The following SLC22A3 variants were observed in gnomAD, a reference collection of about 807,000 sequenced individuals.
SLC22A3 encodes EMT organic cation transporter 3.
A neutral mutation model predicts 59.1 loss-of-function variants in SLC22A3; 51 were observed. The observed-to-expected ratio is 0.86, with a 90% CI of 0.69 to 1.09. The LOEUF is 1.09. Ranked by LOEUF, SLC22A3 falls within the 50% of genes least tolerant of loss-of-function variation. The pLI is 0.00. For synonymous variants in SLC22A3, 325 were observed against 292.0 expected (o/e 1.11, Z -1.15); for missense variants, 711 against 726.3 (o/e 0.98, Z 0.24).
chr6:160,353,226 T>G (rs1784720272), intron 1 of SLC22A3, among the ~76,000 whole-genome samples: 2 of 152,192 alleles, frequency 1.3e-5, no homozygotes, highest in South Asian at 4.1e-4. Flanking sequence ...CAGCAATGCT[T>G]TCTGGACCTC....
At chr6:160,417,516 T>C (rs1036213201) in intron 5 of SLC22A3, among the ~76,000 whole-genome samples, 1 of 152,162 alleles carries the variant, frequency 6.6e-6, no homozygotes, top group Non-Finnish European at 1.5e-5. Context: ...ACTGCCAGAG[T>C]AGGGTTCAAC....
intron 1 of SLC22A3, among the ~76,000 whole-genome samples, chr6:160,367,554 G>A (rs556981778): frequency 1.3e-5 from 2 of 152,330 alleles, no homozygotes; most frequent in South Asian, 4.1e-4. Context: ...GCACCTCCAT[G>A]TGCAGATTTT....
chr6:160,433,548 A>ACTACTACTACTG (rs1400082272), intron 5 of SLC22A3, among the ~76,000 whole-genome samples: 3 of 151,190 alleles, frequency 2.0e-5, no homozygotes, highest in African/African-American at 7.3e-5. Context: ...TACTACTACT[A>ACTACTACTACTG]CTGCTACTAA....
At chr6:160,414,449 G>A (rs1787387591) in intron 5 of SLC22A3, among the ~76,000 whole-genome samples, 2 of 152,094 alleles carry the variant, frequency 1.3e-5, no homozygotes. Flanking sequence ...TGATTAATGA[G>A]TTGAGTGTGT....
rs377571395 is a variant in SLC22A3, at chr6:160,365,803, A to G, written c.429+16955A>G. Among the ~76,000 whole-genome samples the G allele has an allele frequency of 2.0e-4, 31 of 152,302 alleles. No homozygotes were observed. The South Asian group carries it at 5.4e-3, about 27-fold the overall frequency. On this transcript the variant is annotated intron_variant, in intron 1 of 10. Transcript: ENST00000275300. Reference sequence around the variant, plus strand: ...AAGAGGTTTAATTGACTCACAGTACAGAATGTTTGGGGAGGCCTCAGGAAG... The same window carrying G: ...AAGAGGTTTAATTGACTCACAGTACGGAATGTTTGGGGAGGCCTCAGGAAG...
Position 160,408,771 on chromosome 6 carries a change from C to T in SLC22A3, c.707C>T (p.Ser236Leu), listed in dbSNP as rs201195713. The T allele has an allele frequency of 4.3e-5, 70 of 1,613,314 alleles. No individual in the cohort carries two copies. The highest frequency in any genetic ancestry group is 1.6e-4 in the Middle Eastern group (1 of 6,072). ...CCTTTAGTGACAGAAATAGTAGGTT[C>T]GAAACAAAGGAGGATTGTGGGAATC... ...CYVIVTEIVG[S>L]KQRRIVGIVI... The change falls in exon 4 of 11, where the codon TCG becomes TTG. Residue 236 changes from serine (S) to leucine (L), a missense_variant. By Grantham distance (145) the Ser-to-Leu change is moderately radical. Transcript: ENST00000275300.
rs1787463258 is a variant in SLC22A3, at chr6:160,415,789, A to C, written c.975+4943A>C. On this transcript the variant is annotated intron_variant, in intron 5 of 10. Coordinates refer to ENST00000275300, the MANE Select transcript of SLC22A3 (RefSeq NM_021977.4). The surrounding 1 kb of genome is among the most constrained non-coding windows in gnomAD (Gnocchi z 4.1). The stretch of plus-strand genomic sequence containing the variant: ...ACAAGTCAGCATTTTTCTCTTGTGA[A>C]AAGAACCACCTGCCAACCCCAGCCT... 6.6e-6 allele frequency among the ~76,000 whole-genome samples: 1 copy of C among 152,264 alleles called. No homozygotes were observed. Among genetic ancestry groups the C allele is most frequent in the African/African-American group, 2.4e-5 (1 of 41,560 alleles).
Position 160,447,853 on chromosome 6 carries a change from G to C in SLC22A3, c.1610+35G>C, listed in dbSNP as rs546490095. 3.4e-6 allele frequency: 5 copies of C among 1,491,416 alleles called. No homozygotes were observed. In the African/African-American group the frequency reaches 6.9e-5, roughly 21 times the overall value. 92.4% of individuals were successfully genotyped at this position (1,491,416 alleles called of 1,614,324 possible). A position where few individuals can be genotyped will look rare whatever the true frequency, so the allele number is the denominator to read the frequency against. On this transcript the variant is annotated intron_variant, in intron 10 of 10. Transcript: ENST00000275300. ...AAAATTCAATGCACCCTAAATAAAA[G>C]CAATATTTAAAACCACGGGGGAAAG... is the stretch of plus-strand genomic sequence containing the variant.
intron 7 of SLC22A3, among the ~76,000 whole-genome samples, chr6:160,437,757 A>C (rs1260687710): frequency 6.6e-6 from 1 of 152,242 alleles, no homozygotes; most frequent in East Asian, 1.9e-4. Context: ...ATCAATCCAG[A>C]AGGGGATTCA....
chr6:160,446,300 G>A (rs146336535), intron 9 of SLC22A3, among the ~76,000 whole-genome samples: 1 of 152,316 alleles, frequency 6.6e-6, no homozygotes, highest in African/African-American at 2.4e-5. Context: ...CTATGCTGGT[G>A]CTGGCACCTC....
At chr6:160,386,101 T>TGAACCTTGA (rs1785997805) in intron 1 of SLC22A3, among the ~76,000 whole-genome samples, 1 of 152,212 alleles carries the variant, frequency 6.6e-6, no homozygotes, top group South Asian at 2.1e-4. Context: ...CAGAGCAGGG[T>TGAACCTTGA]GCACCTTGAG....
At chr6:160,448,565 T>C (rs372187508) in intron 10 of SLC22A3, among the ~76,000 whole-genome samples, 2 of 152,092 alleles carry the variant, frequency 1.3e-5, no homozygotes, top group Admixed American at 6.5e-5. Context: ...AGTAGGAAGA[T>C]AGAGAGATTG....
At chr6:160,409,517 A>T (rs1258775692) in intron 4 of SLC22A3, among the ~76,000 whole-genome samples, 1 of 146,904 alleles carries the variant, frequency 6.8e-6, no homozygotes, top group Non-Finnish European at 1.5e-5. Flanking sequence ...CATGATTTAT[A>T]CTCATTTGGG....
At chr6:160,404,241 A>T (rs1786912883) in intron 2 of SLC22A3, among the ~76,000 whole-genome samples, 1 of 151,972 alleles carries the variant, frequency 6.6e-6, no homozygotes, top group Non-Finnish European at 1.5e-5. Flanking sequence ...AGTATAGTGA[A>T]GTTGCAGGGT....
At chr6:160,421,759 G>T (rs529225075) in intron 5 of SLC22A3, among the ~76,000 whole-genome samples, 1 of 152,278 alleles carries the variant, frequency 6.6e-6, no homozygotes, top group African/African-American at 2.4e-5. Flanking sequence ...AGAGGAGTGA[G>T]TTTGCCTGTC....
At chr6:160,353,793 C>T (rs1459766788) in intron 1 of SLC22A3, among the ~76,000 whole-genome samples, 1 of 151,906 alleles carries the variant, frequency 6.6e-6, no homozygotes, top group African/African-American at 2.4e-5. Flanking sequence ...GTCCATGGAC[C>T]ACACAGAGAG....
chr6:160,412,798 A>C (rs1787310764), intron 5 of SLC22A3, among the ~76,000 whole-genome samples: 1 of 152,212 alleles, frequency 6.6e-6, no homozygotes, highest in African/African-American at 2.4e-5. Context: ...GCTCTTTTGC[A>C]CACATAGTCC....
At chr6:160,356,103 C>T (rs1162587380) in intron 1 of SLC22A3, among the ~76,000 whole-genome samples, 1 of 152,218 alleles carries the variant, frequency 6.6e-6, no homozygotes, top group African/African-American at 2.4e-5. Flanking sequence ...GCTAGGCCAA[C>T]CCTGGAATTG....
intron 1 of SLC22A3, among the ~76,000 whole-genome samples, chr6:160,362,850 CCG>C: frequency 6.6e-6 from 1 of 152,324 alleles, no homozygotes; most frequent in East Asian, 1.9e-4. Flanking sequence ...GTGCCGGCAG[CCG>C]CGCGCTCAGA....
Sources: allele counts gnomAD v4.1 joint callset (sites outside exome capture counted in the v4.1 genomes callset), GRCh38; gene constraint gnomAD v4.1.1; non-coding constraint Gnocchi (gnomAD v3.1); transcripts MANE v1.5; gene names NCBI Gene and HGNC (gene_info 2026-07-23, HGNC 2026-07-21).